LSM14A: variants seen among roughly 807,000 people sequenced by gnomAD.
LSM14A encodes the protein LSM14A mRNA processing body assembly factor.
In LSM14A, 14 loss-of-function variants were observed where a neutral mutation model predicts 52.4. The observed-to-expected ratio is 0.27, with a 90% CI of 0.18 to 0.42. The LOEUF is 0.42. LSM14A is among the 10% of genes least tolerant of loss of function. LSM14A has a pLI of 1.00. For missense variants in LSM14A, 417 were observed against 581.8 expected (o/e 0.72, Z 2.91); for synonymous variants, 185 against 200.3 (o/e 0.92, Z 0.64).
chr19:34,183,899 C>T (rs1018050122), intron 1 of LSM14A, among the ~76,000 whole-genome samples: 2 of 152,070 alleles, frequency 1.3e-5, no homozygotes, highest in South Asian at 2.1e-4. Context: ...TGTAAGTGTG[C>T]GGTCCCGTGA....
chr19:34,226,527 C>A, intron 9 of LSM14A: 2 of 1,354,202 alleles, frequency 1.5e-6, no homozygotes, highest in Non-Finnish European at 2.0e-6. Flanking sequence ...GCAGGTTCAT[C>A]TTGTAGCTCA....
chr19:34,180,277 A>G (rs1199765628), intron 1 of LSM14A, among the ~76,000 whole-genome samples: 2 of 152,122 alleles, frequency 1.3e-5, no homozygotes, highest in Non-Finnish European at 2.9e-5. Context: ...TTTATTCCCA[A>G]GGGCCTTATT....
chr19:34,207,152 G>A (rs1186256845), intron 3 of LSM14A, among the ~76,000 whole-genome samples: 1 of 152,166 alleles, frequency 6.6e-6, no homozygotes, highest in Non-Finnish European at 1.5e-5. Flanking sequence ...ATTGGTAGTA[G>A]AATTGGAGTA....
chr19:34,211,312 T>G (rs927615300), intron 4 of LSM14A, among the ~76,000 whole-genome samples: 1 of 150,294 alleles, frequency 6.7e-6, no homozygotes. Flanking sequence ...AAAAAAAAAA[T>G]TTAATAGTCC....
At chr19:34,179,634 C>T (rs997512910) in intron 1 of LSM14A, among the ~76,000 whole-genome samples, 3 of 151,756 alleles carry the variant, frequency 2.0e-5, no homozygotes, top group African/African-American at 7.3e-5. Flanking sequence ...TAAGGTAAGC[C>T]ATGATTTTCT....
At chr19:34,183,389 A>G (rs531436936) in intron 1 of LSM14A, among the ~76,000 whole-genome samples, 2 of 152,218 alleles carry the variant, frequency 1.3e-5, no homozygotes, top group Admixed American at 1.3e-4. Context: ...CGTCTCTACT[A>G]AAAATACAAA....
intron 3 of LSM14A, among the ~76,000 whole-genome samples, chr19:34,203,379 TC>T (rs1438359710): frequency 6.7e-6 from 1 of 149,938 alleles, no homozygotes; most frequent in Admixed American, 6.7e-5. Context: ...CTCTTAGGTC[TC>T]CAGTGTTTTG....
At chr19:34,199,693 C>T (rs2071150889) in intron 3 of LSM14A, among the ~76,000 whole-genome samples, 1 of 152,164 alleles carries the variant, frequency 6.6e-6, no homozygotes, top group Non-Finnish European at 1.5e-5. Context: ...CACATGTAGA[C>T]TCAGCTCTTA....
rs532766772 is a variant in LSM14A, at chr19:34,226,306, G to C, written c.1369-1059G>C. ...GACAACAAGGTGTCTGAATGACTCA[G>C]CATAATGCTCTCTCTCCTCTCCCCC... On this transcript the variant is annotated intron_variant, in intron 9 of 9. Transcript: ENST00000544216. 12 of 1,165,036 alleles carry C rather than the reference G, an allele frequency of 1.0e-5. No homozygotes were observed. In the South Asian group the frequency reaches 1.6e-4, roughly 16 times the overall value. The allele number at this position is 1,165,036 out of a possible 1,614,324, so 72.2% of individuals were successfully genotyped here.
rs1251277479 is a variant in LSM14A, at chr19:34,228,879, T to C, written c.*1491T>C. The C allele has an allele frequency of 6.5e-6, 1 of 152,680 alleles. No homozygotes were observed. Among genetic ancestry groups the C allele is most frequent in the Non-Finnish European group, 1.5e-5 (1 of 68,052 alleles). The allele number at this position is 152,680 out of a possible 1,614,324, so 9.5% of individuals were successfully genotyped here. A position where few individuals can be genotyped will look rare whatever the true frequency, so the allele number is the denominator to read the frequency against. ...TCTTTTGTATAGCTCTACAAGGCAG[T>C]GTTTTGTAATTTGGTTTCATTATGA... On this transcript the variant is annotated 3_prime_UTR_variant, in exon 10 of 10. Coordinates refer to ENST00000544216, the MANE Select transcript of LSM14A (RefSeq NM_015578.4).
chr19:34,202,950 C>A (rs1459541345), intron 3 of LSM14A, among the ~76,000 whole-genome samples: 8 of 152,190 alleles, frequency 5.3e-5, no homozygotes, highest in African/African-American at 1.7e-4. Context: ...AGCCACCGCG[C>A]CTGGCGGACT....
chr19:34,192,327 T>G (rs1014928512), intron 1 of LSM14A, among the ~76,000 whole-genome samples: 8 of 122,016 alleles, frequency 6.6e-5, no homozygotes, highest in South Asian at 2.6e-4. Context: ...TTGTTTTTTT[T>G]TTTTTTTTTT....
rs756673232 is a variant in LSM14A, at chr19:34,221,704, G to A, written c.1334G>A (p.Arg445His). 2.1e-5 allele frequency: 34 copies of A among 1,613,734 alleles called. No homozygotes were observed. The highest frequency in any genetic ancestry group is 2.1e-4 in the South Asian group (19 of 91,072). Residue 445 changes from arginine to histidine, a missense_variant, in exon 9 of 10, where the codon CGT (arginine) becomes CAT (histidine). Arg to His is a conservative substitution (Grantham distance 29). Coordinates refer to ENST00000544216, the MANE Select transcript of LSM14A (RefSeq NM_015578.4). The part of the protein sequence containing the change: ...RGFRGGFRGG[R>H]GGREFADFEY... ...TTTCGCGGTGGATTCAGAGGAGGTC[G>A]TGGGGGCCGGGAGTTTGCGGATTTT...
At chr19:34,179,887 A>G (rs1568471196) in intron 1 of LSM14A, among the ~76,000 whole-genome samples, 1 of 152,166 alleles carries the variant, frequency 6.6e-6, no homozygotes, top group Non-Finnish European at 1.5e-5. Flanking sequence ...AAAATAATAT[A>G]TTAATTAGCT....
At chr19:34,178,179 AAATAAT>A (rs74745913) in intron 1 of LSM14A, among the ~76,000 whole-genome samples, 6 of 150,002 alleles carry the variant, frequency 4.0e-5, no homozygotes, top group African/African-American at 1.5e-4. Flanking sequence ...AAAAAACACA[AAATAAT>A]AATAATAATC....
chr19:34,207,820 C>G (rs1599701870), intron 3 of LSM14A, among the ~76,000 whole-genome samples: 1 of 152,032 alleles, frequency 6.6e-6, no homozygotes. Flanking sequence ...TGAGCCACTG[C>G]GCCCGGCCCT....
chr19:34,189,751 A>G (rs1314213477), intron 1 of LSM14A, among the ~76,000 whole-genome samples: 1 of 152,220 alleles, frequency 6.6e-6, no homozygotes, highest in Non-Finnish European at 1.5e-5. Context: ...TAGGATTAGG[A>G]GCAGACCATT....
intron 1 of LSM14A, among the ~76,000 whole-genome samples, chr19:34,181,334 C>A (rs1022136506): frequency 1.1e-4 from 16 of 152,116 alleles, no homozygotes; most frequent in Non-Finnish European, 2.4e-4. Context: ...TAATGATTAC[C>A]CCATTTCTAT....
chr19:34,215,315 G>A lies in LSM14A; in HGVS notation c.715+15G>A. ...GCACAGGCGAGGTAGAACTTTAGCT[G>A]TTTACTGTTCCTTAATTGACTGATC... On this transcript the variant is annotated intron_variant, in intron 5 of 9. Transcript: ENST00000544216. 1.9e-6 allele frequency: 3 copies of A among 1,596,880 alleles called. No homozygotes were observed. The highest frequency in any genetic ancestry group is 2.6e-6 in the Non-Finnish European group (3 of 1,172,498).
Sources: allele counts gnomAD v4.1 joint callset (sites outside exome capture counted in the v4.1 genomes callset), GRCh38; gene constraint gnomAD v4.1.1; transcripts MANE v1.5; gene names NCBI Gene and HGNC (gene_info 2026-07-23, HGNC 2026-07-21).